The following XKR4 variants were observed in gnomAD, a reference collection of about 807,000 sequenced individuals.
XKR4 encodes XK-related protein 4.
XKR4 carries 12 observed loss-of-function variants against 53.9 expected under a neutral mutation model. That is an observed-to-expected ratio of 0.22 (90% confidence interval 0.14 to 0.36). The LOEUF is 0.36. Among genes scored for constraint, XKR4 ranks in the 10% least tolerant of loss-of-function variants. The pLI is 1.00. For missense variants in XKR4, 799 were observed against 859.5 expected (o/e 0.93, Z 0.88); for synonymous variants, 354 against 362.4 (o/e 0.98, Z 0.26).
chr8:55,386,577 A>G (rs906489810), intron 2 of XKR4, among the ~76,000 whole-genome samples: 3 of 152,200 alleles, frequency 2.0e-5, no homozygotes, highest in Non-Finnish European at 4.4e-5. Flanking sequence ...TCTACCCAGT[A>G]TTGCCAAAAT....
intron 2 of XKR4, among the ~76,000 whole-genome samples, chr8:55,381,470 G>A (rs1804231680): frequency 6.6e-6 from 1 of 152,194 alleles, no homozygotes; most frequent in Non-Finnish European, 1.5e-5. Flanking sequence ...AGGGCCAAAG[G>A]CCTGAGAACC....
chr8:55,356,157 A>G (rs1273778355), intron 1 of XKR4, among the ~76,000 whole-genome samples: 5 of 152,244 alleles, frequency 3.3e-5, no homozygotes, highest in Non-Finnish European at 5.9e-5. Context: ...ACAAGTAAGT[A>G]AAGAAGGATG....
chr8:55,369,950 C>T (rs1172122070), intron 2 of XKR4, among the ~76,000 whole-genome samples: 1 of 152,058 alleles, frequency 6.6e-6, no homozygotes, highest in African/African-American at 2.4e-5. Context: ...GTCCCAGCTA[C>T]TCAGGAGGCT....
intron 2 of XKR4, among the ~76,000 whole-genome samples, chr8:55,401,418 T>C (rs889282566): frequency 3.9e-5 from 6 of 152,226 alleles, no homozygotes; most frequent in African/African-American, 1.2e-4. Context: ...GCAGCTTCCT[T>C]GCACCAGCTA....
intron 1 of XKR4, among the ~76,000 whole-genome samples, chr8:55,194,856 A>G (rs1459051310): frequency 2.0e-5 from 3 of 152,184 alleles, no homozygotes; most frequent in African/African-American, 7.2e-5. Context: ...ATCCTTTTAC[A>G]AGCTAGCTGG....
chr8:55,102,932 GC>G lies in XKR4; in HGVS notation c.445del (p.Leu149SerfsTer128). The G allele has an allele frequency of 6.2e-7, 1 of 1,611,620 alleles. No individual in the cohort carries two copies. Among genetic ancestry groups the G allele is most frequent in the Non-Finnish European group, 8.5e-7 (1 of 1,179,872 alleles). ...RGQRWWFGLT[L>X]FFVVLGSLSV... Reference sequence around the variant, plus strand: ...GCCAGCGCTGGTGGTTCGGGCTCACGCTCTTCTTCGTGGTGCTCGGCTCTCT... The same window carrying G: ...GCCAGCGCTGGTGGTTCGGGCTCACGTCTTCTTCGTGGTGCTCGGCTCTCT... On this transcript the variant is annotated frameshift_variant, in exon 1 of 3. Coordinates refer to ENST00000327381, the MANE Select transcript of XKR4 (RefSeq NM_052898.2). LOFTEE classifies it high-confidence loss of function. This position sits in a 1 kb window ranked among gnomAD's most constrained non-coding sequence, Gnocchi z 5.1.
chr8:55,484,036 G>A lies in XKR4; in HGVS notation c.1007-39245G>A, dbSNP rs1293081680. Reference sequence around the variant, plus strand: ...CTACAGACCATACAATATCCAGAGTGAAGCAAGAGAATACCAGGAATAACA... The same window carrying A: ...CTACAGACCATACAATATCCAGAGTAAAGCAAGAGAATACCAGGAATAACA... On this transcript the variant is annotated intron_variant, in intron 2 of 2. Transcript: ENST00000327381. Among the ~76,000 whole-genome samples, 3 of 152,258 alleles carry A rather than the reference G, an allele frequency of 2.0e-5. No individual in the cohort carries two copies. In the East Asian group the frequency reaches 5.8e-4, roughly 29 times the overall value.
At chr8:55,313,121 G>A (rs139964571) in intron 1 of XKR4, among the ~76,000 whole-genome samples, 2,683 of 152,172 alleles carry the variant, frequency 0.018, 43 homozygotes, top group Middle Eastern at 0.031. Flanking sequence ...AGAAACCATA[G>A]AAGTAAAAAG....
At position 55,476,233 on chromosome 8, in the gene XKR4, C is replaced by T. The variant is rs547118644; in HGVS notation, c.1007-47048C>T. On this transcript the variant is annotated intron_variant, in intron 2 of 2. Coordinates refer to ENST00000327381, the MANE Select transcript of XKR4 (RefSeq NM_052898.2). Reference sequence around the variant, plus strand: ...TGAGGCCCACTGCCTAATGCACTAACCCAAGACCCAGTCATGTGTGACATG... The same window carrying T: ...TGAGGCCCACTGCCTAATGCACTAATCCAAGACCCAGTCATGTGTGACATG... Among the ~76,000 whole-genome samples, 30 of 152,108 alleles carry T rather than the reference C, an allele frequency of 2.0e-4. No homozygotes were observed. The East Asian group carries it at 5.4e-3, about 28-fold the overall frequency.
chr8:55,478,061 A>G (rs544917878), intron 2 of XKR4, among the ~76,000 whole-genome samples: 2 of 152,234 alleles, frequency 1.3e-5, no homozygotes, highest in East Asian at 1.9e-4. Flanking sequence ...AGAACGCCAC[A>G]AAGATACTCC....
intron 1 of XKR4, among the ~76,000 whole-genome samples, chr8:55,189,216 T>C (rs967713063): frequency 5.9e-5 from 9 of 152,200 alleles, no homozygotes; most frequent in African/African-American, 2.2e-4. Flanking sequence ...TACCTTGTTA[T>C]ATAGTAAAAG....
intron 2 of XKR4, among the ~76,000 whole-genome samples, chr8:55,478,415 G>A (rs1806039133): frequency 1.3e-5 from 2 of 152,100 alleles, no homozygotes; most frequent in South Asian, 4.2e-4. Flanking sequence ...AACATGGAAA[G>A]GAACAACCGG....
intron 1 of XKR4, among the ~76,000 whole-genome samples, chr8:55,201,960 G>A (rs1381953981): frequency 6.6e-6 from 1 of 152,128 alleles, no homozygotes; most frequent in East Asian, 1.9e-4. Context: ...TCTTTCTTCG[G>A]TTGCTAAAAC....
At chr8:55,285,727 A>ATCTGG (rs1818899460) in intron 1 of XKR4, among the ~76,000 whole-genome samples, 1 of 152,118 alleles carries the variant, frequency 6.6e-6, no homozygotes, top group African/African-American at 2.4e-5. Flanking sequence ...GTCTGAGTTT[A>ATCTGG]TCTGGTCTTG....
chr8:55,130,392 G>A (rs1192769857), intron 1 of XKR4, among the ~76,000 whole-genome samples: 2 of 152,198 alleles, frequency 1.3e-5, no homozygotes, highest in African/African-American at 4.8e-5. Context: ...CCAGGTAGCA[G>A]TAACACACCT....
intron 1 of XKR4, among the ~76,000 whole-genome samples, chr8:55,318,958 G>C (rs2129379171): frequency 6.6e-6 from 1 of 152,238 alleles, no homozygotes; most frequent in East Asian, 1.9e-4. Flanking sequence ...AATAGTACAG[G>C]ATAGCAATGT....
intron 1 of XKR4, among the ~76,000 whole-genome samples, chr8:55,279,094 A>T (rs995078330): frequency 1.3e-5 from 2 of 152,212 alleles, no homozygotes; most frequent in African/African-American, 4.8e-5. Flanking sequence ...ATCACTGTAC[A>T]TCAAAGAAGT....
intron 1 of XKR4, among the ~76,000 whole-genome samples, chr8:55,185,701 A>C (rs1817367883): frequency 6.6e-6 from 1 of 152,226 alleles, no homozygotes; most frequent in African/African-American, 2.4e-5. Context: ...TTAAATACTT[A>C]GTTCTGGGAA....
intron 2 of XKR4, chr8:55,450,598 C>T (rs6473987): frequency 0.19 from 137,096 of 712,726 alleles, 18,504 homozygotes; most frequent in African/African-American, 0.53. Flanking sequence ...TGAACTCAAA[C>T]TCCATGGGGA....
Sources: allele counts gnomAD v4.1 joint callset (sites outside exome capture counted in the v4.1 genomes callset), GRCh38; gene constraint gnomAD v4.1.1; non-coding constraint Gnocchi (gnomAD v3.1); transcripts MANE v1.5; gene names NCBI Gene and HGNC (gene_info 2026-07-23, HGNC 2026-07-21).